ARHGAP15: variants seen among roughly 807,000 people sequenced by gnomAD.
The protein encoded by ARHGAP15 is Rho GTPase activating protein 15.
ARHGAP15 carries 51 observed loss-of-function variants against 63.7 expected under a neutral mutation model. That is an observed-to-expected ratio of 0.80 (90% CI 0.64 to 1.01). ARHGAP15 has a LOEUF of 1.01. ARHGAP15 is among the 50% of genes least tolerant of loss of function. The pLI is 0.00. For missense variants in ARHGAP15, 560 were observed against 564.6 expected (o/e 0.99, Z 0.08); for synonymous variants, 191 against 193.8 (o/e 0.99, Z 0.12).
chr2:143,410,973 G>A (rs1688416969), intron 6 of ARHGAP15, among the ~76,000 whole-genome samples: 1 of 152,166 alleles, frequency 6.6e-6, no homozygotes, highest in Non-Finnish European at 1.5e-5. Context: ...GAAGGCCAAG[G>A]CAGACGGATC....
intron 13 of ARHGAP15, among the ~76,000 whole-genome samples, chr2:143,749,056 T>TA (rs976512588): frequency 3.7e-4 from 56 of 151,560 alleles, no homozygotes; most frequent in Admixed American, 2.8e-3. Context: ...CAATTCACTG[T>TA]AAAAAATCAC....
chr2:143,329,900 C>T (rs889391045), intron 6 of ARHGAP15, among the ~76,000 whole-genome samples: 4 of 141,630 alleles, frequency 2.8e-5, no homozygotes, highest in Admixed American at 2.1e-4. Context: ...AGAAAATTGC[C>T]CCCCTGCCCT....
intron 6 of ARHGAP15, among the ~76,000 whole-genome samples, chr2:143,385,248 C>T (rs939999181): frequency 3.3e-5 from 5 of 151,974 alleles, no homozygotes; most frequent in Non-Finnish European, 5.9e-5. Flanking sequence ...TGATTGAGAA[C>T]GTTGTAGTTC....
chr2:143,166,089 A>G (rs1690518906), intron 2 of ARHGAP15, among the ~76,000 whole-genome samples: 1 of 152,110 alleles, frequency 6.6e-6, no homozygotes. Flanking sequence ...TCTTGTCTTG[A>G]AAATGCTAAT....
chr2:143,260,907 A>G (rs1428024460), intron 6 of ARHGAP15, among the ~76,000 whole-genome samples: 1 of 152,148 alleles, frequency 6.6e-6, no homozygotes, highest in East Asian at 1.9e-4. Context: ...CAACAACAAT[A>G]AAACCTTGCA....
chr2:143,677,737 A>G (rs184731021), intron 12 of ARHGAP15, among the ~76,000 whole-genome samples: 94 of 152,362 alleles, frequency 6.2e-4, no homozygotes, highest in Admixed American at 2.2e-3. Context: ...GTTATTGAGT[A>G]CTTATCACAT....
chr2:143,407,054 A>T, intron 6 of ARHGAP15, among the ~76,000 whole-genome samples: 1 of 151,976 alleles, frequency 6.6e-6, no homozygotes, highest in Non-Finnish European at 1.5e-5. Flanking sequence ...GGAGGAAAAA[A>T]ATCTGGTGAA....
chr2:143,763,403 T>C (rs1686832396), intron 13 of ARHGAP15, among the ~76,000 whole-genome samples: 1 of 152,096 alleles, frequency 6.6e-6, no homozygotes. Context: ...CCTTCTTTGC[T>C]GGAAATGTCT....
chr2:143,398,911 G>A (rs1687883515), intron 6 of ARHGAP15, among the ~76,000 whole-genome samples: 1 of 151,926 alleles, frequency 6.6e-6, no homozygotes, highest in Admixed American at 6.6e-5. Context: ...AACTCCTACT[G>A]AAGAAACAGA....
intron 12 of ARHGAP15, among the ~76,000 whole-genome samples, chr2:143,666,268 G>A (rs13006452): frequency 0.68 from 95,477 of 140,844 alleles, 33,412 homozygotes; most frequent in Non-Finnish European, 0.76. Context: ...AATGCCGCAT[G>A]TCTACAACTA....
At chr2:143,758,214 A>C (rs1686645045) in intron 13 of ARHGAP15, among the ~76,000 whole-genome samples, 1 of 151,846 alleles carries the variant, frequency 6.6e-6, no homozygotes, top group African/African-American at 2.4e-5. Flanking sequence ...AAATTATAGC[A>C]CATTATGTAT....
At chr2:143,181,859 A>G (rs867882494) in intron 2 of ARHGAP15, among the ~76,000 whole-genome samples, 1 of 152,144 alleles carries the variant, frequency 6.6e-6, no homozygotes. Context: ...TGCATTCACA[A>G]CTTGACTGGC....
At position 143,487,035 on chromosome 2, in the gene ARHGAP15, A is replaced by G. The variant is rs559434182; in HGVS notation, c.704-338A>G. 2.0e-5 allele frequency among the ~76,000 whole-genome samples: 3 copies of G among 152,362 alleles called. No homozygotes were observed. In the East Asian group the frequency reaches 5.8e-4, roughly 29 times the overall value. On this transcript the variant is annotated intron_variant, in intron 8 of 13. Coordinates refer to ENST00000295095, the MANE Select transcript of ARHGAP15 (RefSeq NM_018460.4). Reference sequence around the variant, plus strand: ...GCAATGCTAAAGAGTTGTCTCCTGTAGTTTAGATGAATTTTTCTTTACTCT... The same window carrying G: ...GCAATGCTAAAGAGTTGTCTCCTGTGGTTTAGATGAATTTTTCTTTACTCT...
intron 6 of ARHGAP15, among the ~76,000 whole-genome samples, chr2:143,423,614 T>A (rs1383657317): frequency 1.3e-5 from 2 of 152,246 alleles, no homozygotes; most frequent in East Asian, 3.9e-4. Flanking sequence ...GACCTCTAGA[T>A]GTTATAAAGG....
chr2:143,336,151 G>A (rs1684762130), intron 6 of ARHGAP15, among the ~76,000 whole-genome samples: 1 of 152,068 alleles, frequency 6.6e-6, no homozygotes, highest in Non-Finnish European at 1.5e-5. Context: ...CAGGAGCACA[G>A]CAGCACACCG....
chr2:143,267,666 T>C (rs1681063962), intron 6 of ARHGAP15, among the ~76,000 whole-genome samples: 1 of 152,194 alleles, frequency 6.6e-6, no homozygotes, highest in East Asian at 1.9e-4. Context: ...ATGTATGTTA[T>C]ACATCATCAA....
intron 6 of ARHGAP15, among the ~76,000 whole-genome samples, chr2:143,316,415 G>T (rs959316538): frequency 6.6e-6 from 1 of 151,598 alleles, no homozygotes; most frequent in Non-Finnish European, 1.5e-5. Flanking sequence ...GCACTTGTGT[G>T]TGCCCACATC....
chr2:143,492,201 G>A (rs969974777), intron 9 of ARHGAP15, among the ~76,000 whole-genome samples: 8 of 151,934 alleles, frequency 5.3e-5, no homozygotes, highest in Non-Finnish European at 7.4e-5. Flanking sequence ...TCTTCTCCTC[G>A]CCAGATACTT....
At chr2:143,147,751 C>T (rs1689647930) in intron 1 of ARHGAP15, among the ~76,000 whole-genome samples, 1 of 151,902 alleles carries the variant, frequency 6.6e-6, no homozygotes. Context: ...TGAACATGTA[C>T]CTAGATGTTC....
Sources: gnomAD v4.1 joint callset for allele counts (sites outside exome capture counted in the v4.1 genomes callset) on GRCh38, gnomAD v4.1.1 for gene constraint, MANE v1.5 for transcripts, NCBI Gene and HGNC (gene_info 2026-07-23, HGNC 2026-07-21) for gene names.